Variants in GALNT17 observed in about 807,000 individuals in gnomAD.
GALNT17 encodes polypeptide N-acetylgalactosaminyltransferase 17.
Under a neutral mutation model 63.7 loss-of-function variants are expected in GALNT17, and 29 were observed. The ratio of observed to expected loss-of-function variants is 0.46; its 90% CI spans 0.34 to 0.62. The LOEUF (loss-of-function observed/expected upper bound fraction) is 0.62. Ranked by LOEUF, GALNT17 falls within the 20% of genes least tolerant of loss-of-function variation. GALNT17 has a pLI of 0.01. For synonymous variants in GALNT17, 305 were observed against 318.3 expected (o/e 0.96, Z 0.45); for missense variants, 603 against 799.6 (o/e 0.75, Z 2.97).
At chr7:71,506,523 T>C (rs1329188687) in intron 5 of GALNT17, among the ~76,000 whole-genome samples, 1 of 152,178 alleles carries the variant, frequency 6.6e-6, no homozygotes, top group Non-Finnish European at 1.5e-5. Flanking sequence ...CACCTCGGCC[T>C]CCCAAAGTGC....
At chr7:71,615,451 A>C (rs1790187422) in intron 6 of GALNT17, among the ~76,000 whole-genome samples, 1 of 143,646 alleles carries the variant, frequency 7.0e-6, no homozygotes, top group Admixed American at 7.0e-5. Context: ...TTCTATCTGC[A>C]CTTTAGGAGC....
At chr7:71,442,043 C>T (rs1787076835) in intron 5 of GALNT17, among the ~76,000 whole-genome samples, 1 of 152,122 alleles carries the variant, frequency 6.6e-6, no homozygotes, top group South Asian at 2.1e-4. Flanking sequence ...GGTTCTAGAT[C>T]CTGGAGGAAT....
chr7:71,250,712 C>T (rs1484214131), intron 1 of GALNT17, among the ~76,000 whole-genome samples: 1 of 152,132 alleles, frequency 6.6e-6, no homozygotes, highest in African/African-American at 2.4e-5. Flanking sequence ...ACTTTTGCAC[C>T]AACCCGATCA....
intron 1 of GALNT17, among the ~76,000 whole-genome samples, chr7:71,155,865 C>G (rs941362641): frequency 6.6e-6 from 1 of 151,806 alleles, no homozygotes; most frequent in Admixed American, 6.6e-5. Flanking sequence ...GGACACAATT[C>G]AATATTCCTC....
intron 1 of GALNT17, among the ~76,000 whole-genome samples, chr7:71,192,344 C>G (rs1467699459): frequency 6.6e-6 from 1 of 152,044 alleles, no homozygotes; most frequent in African/African-American, 2.4e-5. Context: ...ATCCTTCAAT[C>G]CAATTAAGTT....
chr7:71,676,382 T>C (rs1791150370), intron 8 of GALNT17, among the ~76,000 whole-genome samples: 1 of 149,202 alleles, frequency 6.7e-6, no homozygotes, highest in Non-Finnish European at 1.5e-5. Flanking sequence ...GCTTTTAGGT[T>C]TTTTTTTTCT....
At chr7:71,456,303 G>A (rs1243786887) in intron 5 of GALNT17, among the ~76,000 whole-genome samples, 7 of 152,144 alleles carry the variant, frequency 4.6e-5, no homozygotes, top group African/African-American at 2.4e-5. Context: ...TGACCGCCAA[G>A]TATATTGCGA....
chr7:71,382,110 TG>T (rs1792856859), intron 2 of GALNT17, among the ~76,000 whole-genome samples: 1 of 151,904 alleles, frequency 6.6e-6, no homozygotes, highest in Admixed American at 6.6e-5. Flanking sequence ...CTAGGCGTGG[TG>T]GCTCACGCCT....
intron 5 of GALNT17, among the ~76,000 whole-genome samples, chr7:71,460,306 C>T (rs567645796): frequency 6.6e-5 from 10 of 152,248 alleles, no homozygotes; most frequent in African/African-American, 2.4e-4. Context: ...AAGTAAGCTA[C>T]CAACTGTGAG....
intron 1 of GALNT17, among the ~76,000 whole-genome samples, chr7:71,257,874 A>G (rs1053313556): frequency 9.9e-5 from 15 of 152,250 alleles, no homozygotes; most frequent in African/African-American, 3.6e-4. Flanking sequence ...TCTACGAATC[A>G]CTGCCTACCA....
At chr7:71,504,072 C>CA (rs1369206061) in intron 5 of GALNT17, among the ~76,000 whole-genome samples, 1 of 151,988 alleles carries the variant, frequency 6.6e-6, no homozygotes, top group Non-Finnish European at 1.5e-5. Flanking sequence ...ACCAAAAATA[C>CA]AAAAAATTAT....
At chr7:71,481,358 G>A (rs1787813899) in intron 5 of GALNT17, among the ~76,000 whole-genome samples, 1 of 152,164 alleles carries the variant, frequency 6.6e-6, no homozygotes, top group African/African-American at 2.4e-5. Context: ...GGCTGAGGCA[G>A]GAGAATCGCT....
At chr7:71,651,772 C>T (rs534934039) in intron 6 of GALNT17, among the ~76,000 whole-genome samples, 1 of 152,212 alleles carries the variant, frequency 6.6e-6, no homozygotes, top group Non-Finnish European at 1.5e-5. Context: ...AGCGCAGTAG[C>T]ACCATCATAG....
chr7:71,674,303 G>A (rs1032673665), intron 8 of GALNT17, among the ~76,000 whole-genome samples: 5 of 147,728 alleles, frequency 3.4e-5, no homozygotes, highest in African/African-American at 1.2e-4. Flanking sequence ...TTAAATGAAA[G>A]AAACCAAATT....
chr7:71,711,707 T>C (rs1791795469), intron 10 of GALNT17, among the ~76,000 whole-genome samples: 1 of 143,828 alleles, frequency 7.0e-6, no homozygotes, highest in East Asian at 2.0e-4. Flanking sequence ...TCTTCTCTCT[T>C]CTCTCTCTTC....
chr7:71,630,190 G>A (rs1222559066), intron 6 of GALNT17, among the ~76,000 whole-genome samples: 4 of 152,050 alleles, frequency 2.6e-5, no homozygotes, highest in Non-Finnish European at 5.9e-5. Context: ...TTATAGGTGT[G>A]AGCCACTACA....
intron 9 of GALNT17, among the ~76,000 whole-genome samples, chr7:71,686,202 G>T (rs619529): frequency 0.91 from 138,249 of 152,026 alleles, 64,181 homozygotes; most frequent in Non-Finnish European, 1. Context: ...TGATCCGCCT[G>T]CCTAGGCCTC....
intron 1 of GALNT17, among the ~76,000 whole-genome samples, chr7:71,208,978 G>GT (rs139916660): frequency 0.02 from 2,990 of 152,278 alleles, 31 homozygotes; most frequent in Middle Eastern, 0.037. Flanking sequence ...AGGCTGGAGA[G>GT]TAAGTATTTT....
At chr7:71,648,005 C>G (rs1790704472) in intron 6 of GALNT17, among the ~76,000 whole-genome samples, 1 of 152,220 alleles carries the variant, frequency 6.6e-6, no homozygotes, top group Admixed American at 6.5e-5. Context: ...CCTATGCCAA[C>G]ATCAGCAGCT....
Sources: gnomAD v4.1 joint callset for allele counts (sites outside exome capture counted in the v4.1 genomes callset) on GRCh38, gnomAD v4.1.1 for gene constraint, MANE v1.5 for transcripts, NCBI Gene and HGNC (gene_info 2026-07-23, HGNC 2026-07-21) for gene names.